FANCC: variants seen among roughly 807,000 people sequenced by gnomAD.
FANCC encodes the protein Fanconi anemia group C protein.
FANCC carries 55 observed loss-of-function variants against 71.3 expected under a neutral mutation model. That is an observed-to-expected ratio of 0.77 (90% CI 0.62 to 0.97). The LOEUF (loss-of-function observed/expected upper bound fraction) is 0.97, where lower values mean the gene tolerates loss of function less well. Ranked by LOEUF, FANCC falls within the 50% of genes least tolerant of loss-of-function variation. The probability of loss-of-function intolerance (pLI) is 0.00; values close to 1 mark genes in which losing one functional copy is unlikely to be tolerated. For synonymous variants in FANCC, 275 were observed against 244.9 expected (o/e 1.12, Z -1.15); for missense variants, 678 against 670.9 (o/e 1.01, Z -0.12).
intron 9 of FANCC, 121 bp from the exon 10 acceptor site, chr9:95,125,306 T>G: frequency 1.3e-6 from 1 of 761,234 alleles, no homozygotes; most frequent in Admixed American, 2.0e-5. Flanking sequence ...CAGCAGTATC[T>G]CAACTCATCA....
intron 1 of FANCC, among the ~76,000 whole-genome samples, chr9:95,308,288 A>C (rs1036432337): frequency 2.0e-5 from 3 of 151,400 alleles, no homozygotes; most frequent in Non-Finnish European, 4.4e-5. Context: ...TCTGTCACCC[A>C]GGCTGGAGTG....
At chr9:95,178,256 T>C (rs2135642849) in intron 4 of FANCC, among the ~76,000 whole-genome samples, 1 of 152,336 alleles carries the variant, frequency 6.6e-6, no homozygotes, top group East Asian at 1.9e-4. Flanking sequence ...CCTGCCTCCC[T>C]GGAACAGACC....
chr9:95,143,319 T>A (rs1484709827), intron 7 of FANCC, among the ~76,000 whole-genome samples: 1 of 152,176 alleles, frequency 6.6e-6, no homozygotes, highest in Admixed American at 6.5e-5. Flanking sequence ...AGGTTTTTTA[T>A]GGAGGTCTCA....
rs142550213 is a variant in FANCC at position 95,255,900 on chromosome 9, T to C, written c.-78-6531A>G. 2.2e-4 allele frequency among the ~76,000 whole-genome samples: 33 copies of C among 151,266 alleles called. 1 individual carries two copies. Among genetic ancestry groups the C allele is most frequent in the Admixed American group, 9.9e-4 (15 of 15,184 alleles). On this transcript the variant is annotated intron_variant, in intron 1 of 14. Transcript: ENST00000289081. The stretch of plus-strand genomic sequence containing the variant: ...TTCGTGAAGCATACACAAGTATCAA[T>C]AGTTGAATCGATCAAGCAGAAGAAA...
intron 10 of FANCC, among the ~76,000 whole-genome samples, chr9:95,120,684 T>C (rs1037663596): frequency 1.3e-5 from 2 of 152,194 alleles, no homozygotes; most frequent in African/African-American, 4.8e-5. Flanking sequence ...CACCTTGGCC[T>C]CCTAAAGTGC....
At chr9:95,296,485 C>A (rs1834383060) in intron 1 of FANCC, among the ~76,000 whole-genome samples, 1 of 150,738 alleles carries the variant, frequency 6.6e-6, no homozygotes, top group Non-Finnish European at 1.5e-5. Flanking sequence ...CATACCAAAT[C>A]CACAGAGCTT....
chr9:95,192,248 C>T (rs917555073), intron 4 of FANCC, among the ~76,000 whole-genome samples: 3 of 152,138 alleles, frequency 2.0e-5, no homozygotes, highest in African/African-American at 7.2e-5. Context: ...AGGTAGACAT[C>T]GTGTTGCTAT....
At chr9:95,132,655 C>T (rs999463406) in intron 8 of FANCC, among the ~76,000 whole-genome samples, 3 of 152,132 alleles carry the variant, frequency 2.0e-5, no homozygotes, top group East Asian at 1.9e-4. Flanking sequence ...CAAAAGTGAA[C>T]GGGTTTTGAA....
In FANCC at chr9:95,124,738, C is replaced by A. The variant is rs187599330; in HGVS notation, c.996+348G>T. Among the ~76,000 whole-genome samples the A allele has an allele frequency of 9.8e-5, 15 of 152,330 alleles. No homozygotes were observed. The East Asian group carries it at 2.9e-3, about 29-fold the overall frequency. ...CATATAGACCCCAGGGTGCCTCCTGCTGACCTGGGAGGCTCAGATGCAGCC... is the reference window on the plus strand; with the variant it reads ...CATATAGACCCCAGGGTGCCTCCTGATGACCTGGGAGGCTCAGATGCAGCC... On this transcript the variant is annotated intron_variant, in intron 10 of 14. Transcript: ENST00000289081.
intron 7 of FANCC, among the ~76,000 whole-genome samples, chr9:95,147,664 G>T (rs1829746569): frequency 6.6e-6 from 1 of 152,194 alleles, no homozygotes; most frequent in Non-Finnish European, 1.5e-5. Context: ...TGCCTTTACA[G>T]ATGTTAATGA....
chr9:95,194,223 G>C (rs1330356416), intron 4 of FANCC, among the ~76,000 whole-genome samples: 1 of 152,106 alleles, frequency 6.6e-6, no homozygotes, highest in East Asian at 1.9e-4. Context: ...TTGAAGAACA[G>C]TCTTAGTACT....
At chr9:95,224,797 T>C (rs900736603) in intron 4 of FANCC, among the ~76,000 whole-genome samples, 7 of 152,222 alleles carry the variant, frequency 4.6e-5, no homozygotes, top group African/African-American at 1.7e-4. Flanking sequence ...GATGGTCTGA[T>C]TCCCAAAGGA....
chr9:95,215,433 AGAACAGAT>A (rs1397638599), intron 4 of FANCC, among the ~76,000 whole-genome samples: 1 of 152,108 alleles, frequency 6.6e-6, no homozygotes, highest in African/African-American at 2.4e-5. Context: ...GAAAGAACAA[AGAACAGAT>A]GACAAAAATA....
intron 7 of FANCC, among the ~76,000 whole-genome samples, chr9:95,139,615 C>T (rs529468990): frequency 2.0e-5 from 3 of 151,940 alleles, no homozygotes; most frequent in East Asian, 1.9e-4. Flanking sequence ...ATTTAAGACA[C>T]GCTGGTTAAA....
intron 1 of FANCC, among the ~76,000 whole-genome samples, chr9:95,295,339 C>T (rs35232778): frequency 1.3e-5 from 2 of 151,936 alleles, no homozygotes; most frequent in African/African-American, 2.4e-5. Context: ...TCAAACAGCT[C>T]AATACCAAAA....
intron 4 of FANCC, among the ~76,000 whole-genome samples, chr9:95,201,584 G>A (rs1056458623): frequency 2.0e-5 from 3 of 151,844 alleles, no homozygotes; most frequent in South Asian, 2.1e-4. Flanking sequence ...ACAAAATTGC[G>A]ATTTCCTTTT....
chr9:95,100,936 A>G lies in FANCC; in HGVS notation c.*771T>C, dbSNP rs1047677594. 3.0e-5 allele frequency: 7 copies of G among 233,072 alleles called. No homozygotes were observed. The highest frequency in any genetic ancestry group is 1.1e-4 in the African/African-American group (5 of 45,340). The allele number at this position is 233,072 out of a possible 1,614,324, so 14.4% of individuals were successfully genotyped here. The stretch of plus-strand genomic sequence containing the variant: ...TGAGCCACTGCACCCAGCCAGGCCA[A>G]TTCTTTATCAGGAATTTCCAATTCC... On this transcript the variant is annotated 3_prime_UTR_variant, in exon 15 of 15. Transcript: ENST00000289081.
intron 13 of FANCC, chr9:95,107,642 C>T (rs2071557081): frequency 2.5e-6 from 1 of 393,576 alleles, no homozygotes; most frequent in Non-Finnish European, 4.8e-6. Flanking sequence ...ATTAAAGCCC[C>T]ACGCAGTCAG....
chr9:95,192,707 G>A (rs892258155), intron 4 of FANCC, among the ~76,000 whole-genome samples: 13 of 152,154 alleles, frequency 8.5e-5, no homozygotes, highest in African/African-American at 2.9e-4. Context: ...GAGACATAAA[G>A]GTATAGTCAA....
Sources: gnomAD v4.1 joint callset for allele counts (sites outside exome capture counted in the v4.1 genomes callset) on GRCh38, gnomAD v4.1.1 for gene constraint, MANE v1.5 for transcripts, NCBI Gene and HGNC (gene_info 2026-07-23, HGNC 2026-07-21) for gene names.